Variants in B3GLCT observed in about 807,000 individuals in gnomAD.
B3GLCT encodes beta 3-glucosyltransferase.
Under a neutral mutation model 63.4 loss-of-function variants are expected in B3GLCT, and 65 were observed. The observed-to-expected ratio is 1.03, with a 90% confidence interval of 0.84 to 1.26. The LOEUF (loss-of-function observed/expected upper bound fraction) is 1.26. Ranked by LOEUF, B3GLCT falls within the 50% of genes most tolerant of loss-of-function variation. The probability of loss-of-function intolerance (pLI) is 0.00; values close to 1 mark genes in which losing one functional copy is unlikely to be tolerated. For synonymous variants in B3GLCT, 233 were observed against 219.2 expected, an observed-to-expected ratio of 1.06 and a Z score of -0.55; for missense variants, 577 against 604.8, an observed-to-expected ratio of 0.95 and a Z score of 0.48.
chr13:31,292,693 TTC>T (rs557951375), intron 12 of B3GLCT, among the ~76,000 whole-genome samples: 2 of 95,964 alleles, frequency 2.1e-5, no homozygotes, highest in Non-Finnish European at 5.2e-5. Context: ...TATTTTATTC[TTC>T]TCTCTTTTTT....
chr13:31,227,002 T>C (rs1353004822), intron 3 of B3GLCT, among the ~76,000 whole-genome samples: 5 of 152,230 alleles, frequency 3.3e-5, no homozygotes, highest in Non-Finnish European at 5.9e-5. Context: ...GTTTGGTATA[T>C]ATACATTTTA....
At chr13:31,326,111 A>G (rs554474082) in intron 14 of B3GLCT, among the ~76,000 whole-genome samples, 2 of 152,086 alleles carry the variant, frequency 1.3e-5, no homozygotes, top group Non-Finnish European at 2.9e-5. Context: ...GACCACCGTT[A>G]TGGTGGGTAA....
intron 12 of B3GLCT, among the ~76,000 whole-genome samples, chr13:31,309,978 A>T (rs1874621939): frequency 6.6e-6 from 1 of 152,158 alleles, no homozygotes; most frequent in South Asian, 2.1e-4. Flanking sequence ...GGCAGGTACA[A>T]GGACACTGAT....
At chr13:31,240,587 G>A (rs779401451) in intron 4 of B3GLCT, among the ~76,000 whole-genome samples, 4 of 151,126 alleles carry the variant, frequency 2.6e-5, no homozygotes, top group African/African-American at 9.7e-5. Flanking sequence ...ATGGCCTGGC[G>A]TTTTCTAATT....
At chr13:31,278,204 C>G (rs1253948986) in intron 10 of B3GLCT, among the ~76,000 whole-genome samples, 1 of 151,724 alleles carries the variant, frequency 6.6e-6, no homozygotes, top group Non-Finnish European at 1.5e-5. Context: ...ACACATTTTT[C>G]AGGTCACAGT....
intron 12 of B3GLCT, among the ~76,000 whole-genome samples, chr13:31,308,362 A>AAAAAAAAAAAAAAAAAAAC (rs61561180): frequency 1.6e-5 from 1 of 61,878 alleles, no homozygotes; most frequent in South Asian, 7.5e-4. Context: ...AAAAAAAAAC[A>AAAAAAAAAAAAAAAAAAAC]AAAAAAAAAG....
intron 3 of B3GLCT, among the ~76,000 whole-genome samples, chr13:31,223,919 G>C (rs894116649): frequency 6.6e-6 from 1 of 152,156 alleles, no homozygotes; most frequent in South Asian, 2.1e-4. Context: ...CAGGAAACAA[G>C]AAGGGAACAA....
At position 31,286,830 on chromosome 13, in the gene B3GLCT, A is replaced by G; in HGVS notation, c.1064+11A>G. 6.4e-7 allele frequency: 1 copy of G among 1,563,298 alleles called. No individual in the cohort carries two copies. Among genetic ancestry groups the G allele is most frequent in the Non-Finnish European group, 8.8e-7 (1 of 1,136,534 alleles). ...TGATACATTAATAAGGTAAGGAGTC[A>G]TTCTCATCCTAAATGGCTTTAAATT... On this transcript the variant is annotated intron_variant, in intron 12 of 14. Coordinates refer to ENST00000343307, the MANE Select transcript of B3GLCT (RefSeq NM_194318.4).
At chr13:31,220,959 C>T (rs1869779957) in intron 2 of B3GLCT, among the ~76,000 whole-genome samples, 1 of 152,116 alleles carries the variant, frequency 6.6e-6, no homozygotes, top group Admixed American at 6.5e-5. Context: ...AGCTCACTCT[C>T]AAAATCTATT....
intron 12 of B3GLCT, among the ~76,000 whole-genome samples, chr13:31,290,835 C>A (rs564257418): frequency 3.2e-4 from 48 of 152,228 alleles, no homozygotes; most frequent in African/African-American, 1.1e-3. Flanking sequence ...ATGATAGTTT[C>A]TTTTGCTGTG....
intron 1 of B3GLCT, among the ~76,000 whole-genome samples, chr13:31,205,749 G>A (rs1555243370): frequency 6.6e-6 from 1 of 152,110 alleles, no homozygotes; most frequent in Non-Finnish European, 1.5e-5. Context: ...ATTCATTTAA[G>A]CATTTACTCA....
chr13:31,245,502 G>A (rs1444905601), intron 4 of B3GLCT, among the ~76,000 whole-genome samples: 1 of 151,754 alleles, frequency 6.6e-6, no homozygotes, highest in Admixed American at 6.6e-5. Flanking sequence ...GTTCATCTAG[G>A]ATTTTGTTTT....
chr13:31,213,101 T>G (rs1287989692), intron 1 of B3GLCT, among the ~76,000 whole-genome samples: 2 of 147,336 alleles, frequency 1.4e-5, no homozygotes, highest in Admixed American at 6.8e-5. Flanking sequence ...CTGGTGAAAA[T>G]AAAGGTGAGG....
chr13:31,211,297 G>A (rs1375000210), intron 1 of B3GLCT, among the ~76,000 whole-genome samples: 1 of 152,166 alleles, frequency 6.6e-6, no homozygotes, highest in Non-Finnish European at 1.5e-5. Flanking sequence ...CGGAGGCTAA[G>A]GTAGGAGAGA....
chr13:31,258,318 C>T (rs1460092679), intron 6 of B3GLCT, among the ~76,000 whole-genome samples: 1 of 152,210 alleles, frequency 6.6e-6, no homozygotes, highest in Admixed American at 6.5e-5. Flanking sequence ...TCTGGTTGCT[C>T]ATATTAAAAA....
chr13:31,241,281 C>T lies in B3GLCT; in HGVS notation c.271-5742C>T, dbSNP rs116328824. 1.8e-3 allele frequency among the ~76,000 whole-genome samples: 272 copies of T among 152,322 alleles called. 1 individual carries two copies. Among genetic ancestry groups the T allele is most frequent in the African/African-American group, 6.3e-3 (260 of 41,568 alleles). On this transcript the variant is annotated intron_variant, in intron 4 of 14. Coordinates refer to ENST00000343307, the MANE Select transcript of B3GLCT (RefSeq NM_194318.4). ...TTCCCAAGCTCAGGGGAGGGTGGGC[C>T]TCCCTTCCAGCATGGCATGTTGGAT...
chr13:31,232,282 AAAG>A (rs1160921220), intron 4 of B3GLCT, among the ~76,000 whole-genome samples: 4 of 152,220 alleles, frequency 2.6e-5, no homozygotes, highest in African/African-American at 4.8e-5. Flanking sequence ...TTTATAAAGA[AAAG>A]AAGTTTACTT....
At chr13:31,206,693 T>C (rs1868973866) in intron 1 of B3GLCT, among the ~76,000 whole-genome samples, 2 of 151,310 alleles carry the variant, frequency 1.3e-5, no homozygotes, top group Admixed American at 6.6e-5. Flanking sequence ...GCCAAGATCA[T>C]GCCATTGCAC....
chr13:31,246,438 AT>A (rs1445608090), intron 4 of B3GLCT, among the ~76,000 whole-genome samples: 1 of 152,204 alleles, frequency 6.6e-6, no homozygotes. Flanking sequence ...TTCCATTATT[AT>A]GCTATTCCTG....
Sources: gnomAD v4.1 joint callset for allele counts (sites outside exome capture counted in the v4.1 genomes callset) on GRCh38, gnomAD v4.1.1 for gene constraint, MANE v1.5 for transcripts, NCBI Gene and HGNC (gene_info 2026-07-23, HGNC 2026-07-21) for gene names.